Variants in ADARB2 observed in about 807,000 individuals in gnomAD.
ADARB2 encodes inactive double-stranded RNA-specific editase B2.
Under a neutral mutation model 62.2 loss-of-function variants are expected in ADARB2, and 25 were observed. The ratio of observed to expected loss-of-function variants is 0.40; its 90% CI spans 0.29 to 0.56. ADARB2 has a LOEUF of 0.56. ADARB2 is among the 20% of genes least tolerant of loss of function. The probability of loss-of-function intolerance (pLI) is 0.43; values close to 1 mark genes in which losing one functional copy is unlikely to be tolerated. For synonymous variants in ADARB2, 572 were observed against 500.8 expected, an observed-to-expected ratio of 1.14 and a Z score of -1.90; for missense variants, 1,071 against 1,077.4, an observed-to-expected ratio of 0.99 and a Z score of 0.08.
At chr10:1,344,631 T>C (rs1302449113) in intron 3 of ADARB2, among the ~76,000 whole-genome samples, 1 of 152,192 alleles carries the variant, frequency 6.6e-6, no homozygotes, top group Non-Finnish European at 1.5e-5. Flanking sequence ...ACGGACCCCA[T>C]GCCTTTCACA....
chr10:1,549,473 G>A (rs1192798949), intron 1 of ADARB2, among the ~76,000 whole-genome samples: 2 of 152,134 alleles, frequency 1.3e-5, no homozygotes, highest in Non-Finnish European at 2.9e-5. Context: ...GGAGGGTGCA[G>A]GGGTGAGCAG....
intron 6 of ADARB2, among the ~76,000 whole-genome samples, chr10:1,225,305 C>G (rs1411163448): frequency 6.6e-6 from 1 of 152,090 alleles, no homozygotes; most frequent in Non-Finnish European, 1.5e-5. Flanking sequence ...CTATGTGTGT[C>G]TCTGCAGCTG....
chr10:1,392,326 A>G (rs1253952920), intron 1 of ADARB2, among the ~76,000 whole-genome samples: 1 of 152,154 alleles, frequency 6.6e-6, no homozygotes, highest in Non-Finnish European at 1.5e-5. Flanking sequence ...AGGCTACAAT[A>G]CTTCAGCCTC....
intron 1 of ADARB2, among the ~76,000 whole-genome samples, chr10:1,494,453 C>T (rs997797636): frequency 2.6e-5 from 4 of 152,184 alleles, no homozygotes; most frequent in African/African-American, 7.2e-5. Context: ...AATAACACCA[C>T]CAGCTATGAA....
At chr10:1,697,422 A>G (rs902224839) in intron 1 of ADARB2, among the ~76,000 whole-genome samples, 2 of 152,206 alleles carry the variant, frequency 1.3e-5, no homozygotes, top group Admixed American at 6.5e-5. Flanking sequence ...AGACACAGAG[A>G]ACACGTGGCT....
At chr10:1,457,333 G>T (rs1564294546) in intron 1 of ADARB2, among the ~76,000 whole-genome samples, 1 of 152,154 alleles carries the variant, frequency 6.6e-6, no homozygotes. Context: ...CCTGATTCCA[G>T]GAGGGTTCCG....
intron 1 of ADARB2, among the ~76,000 whole-genome samples, chr10:1,650,776 G>A (rs1834100202): frequency 1.3e-5 from 2 of 152,216 alleles, no homozygotes; most frequent in Admixed American, 6.5e-5. Flanking sequence ...ACTTGAGGAA[G>A]ATGTGCGTGC....
chr10:1,678,614 C>T (rs1834498608), intron 1 of ADARB2, among the ~76,000 whole-genome samples: 1 of 152,108 alleles, frequency 6.6e-6, no homozygotes, highest in East Asian at 1.9e-4. Context: ...TTTACCCTCC[C>T]TGGAGTCCCT....
chr10:1,507,976 G>C, intron 1 of ADARB2, among the ~76,000 whole-genome samples: 1 of 152,118 alleles, frequency 6.6e-6, no homozygotes, highest in East Asian at 1.9e-4. Context: ...TAATTTTAGG[G>C]ATGTCTGGTC....
At chr10:1,652,130 G>T (rs1481201156) in intron 1 of ADARB2, among the ~76,000 whole-genome samples, 8 of 152,142 alleles carry the variant, frequency 5.3e-5, no homozygotes, top group Admixed American at 5.2e-4. Flanking sequence ...GTTCTAGGAG[G>T]TCACACACTG....
At chr10:1,224,595 G>A (rs186991946) in intron 6 of ADARB2, among the ~76,000 whole-genome samples, 6,028 of 152,024 alleles carry the variant, frequency 0.04, 379 homozygotes, top group African/African-American at 0.14. Flanking sequence ...ACACTGCTTC[G>A]AATGTGTCCC....
chr10:1,470,146 C>T (rs778224522), intron 1 of ADARB2, among the ~76,000 whole-genome samples: 18 of 152,258 alleles, frequency 1.2e-4, no homozygotes, highest in Non-Finnish European at 1.8e-4. Flanking sequence ...TCCCGTCTCA[C>T]ACCTTCCTAG....
chr10:1,588,856 T>C (rs1833212387), intron 1 of ADARB2, among the ~76,000 whole-genome samples: 1 of 152,206 alleles, frequency 6.6e-6, no homozygotes, highest in Non-Finnish European at 1.5e-5. Context: ...ACAGAGCTCC[T>C]GACAGAGGCA....
intron 8 of ADARB2, among the ~76,000 whole-genome samples, chr10:1,189,826 G>GTTC (rs1564215050): frequency 5.1e-5 from 5 of 97,988 alleles, no homozygotes; most frequent in African/African-American, 9.7e-5. Context: ...TCCTTCCCCA[G>GTTC]AACACGTGGC....
intron 1 of ADARB2, among the ~76,000 whole-genome samples, chr10:1,695,637 A>G (rs1834729648): frequency 6.6e-6 from 1 of 152,166 alleles, no homozygotes; most frequent in Non-Finnish European, 1.5e-5. Context: ...GTGTGCATGT[A>G]TACACATAAA....
intron 1 of ADARB2, among the ~76,000 whole-genome samples, chr10:1,650,434 G>A (rs1261029345): frequency 6.6e-6 from 1 of 152,166 alleles, no homozygotes; most frequent in East Asian, 1.9e-4. Flanking sequence ...TACTGAAGGG[G>A]GTGGAGAATG....
chr10:1,450,918 T>C (rs1831028265), intron 1 of ADARB2, among the ~76,000 whole-genome samples: 1 of 152,196 alleles, frequency 6.6e-6, no homozygotes, highest in South Asian at 2.1e-4. Flanking sequence ...GCCCTCACCA[T>C]AGCTGGGCAC....
intron 1 of ADARB2, among the ~76,000 whole-genome samples, chr10:1,579,299 C>T (rs564089602): frequency 6.6e-6 from 1 of 152,326 alleles, no homozygotes; most frequent in East Asian, 1.9e-4. Context: ...TTACATCCTC[C>T]TACGATTGCC....
intron 8 of ADARB2, among the ~76,000 whole-genome samples, chr10:1,194,325 A>G (rs184060461): frequency 2.6e-5 from 4 of 152,320 alleles, no homozygotes; most frequent in Admixed American, 2.6e-4. Context: ...GAAGAGAAAT[A>G]AATTGTGCCT....
Sources: gnomAD v4.1 joint callset for allele counts (sites outside exome capture counted in the v4.1 genomes callset) on GRCh38, gnomAD v4.1.1 for gene constraint, MANE v1.5 for transcripts, NCBI Gene and HGNC (gene_info 2026-07-23, HGNC 2026-07-21) for gene names.